The following MITD1 variants were observed in gnomAD, a reference collection of about 807,000 sequenced individuals.
The protein encoded by MITD1 is microtubule interacting and trafficking domain containing 1.
MITD1 carries 24 observed loss-of-function variants against 34.9 expected under a neutral mutation model. That is an observed-to-expected ratio of 0.69 (90% CI 0.50 to 0.97). MITD1 has a LOEUF of 0.97. Among genes scored for constraint, MITD1 ranks in the 50% least tolerant of loss-of-function variants. MITD1 has a pLI of 0.00. For missense variants in MITD1, 266 were observed against 294.6 expected (o/e 0.90, Z 0.71); for synonymous variants, 102 against 101.4 (o/e 1.01, Z -0.04).
chr2:99,168,946 ATTTTT>A (rs1175310553), downstream of MITD1, among the ~76,000 whole-genome samples: 2 of 49,310 alleles, frequency 4.1e-5, no homozygotes, highest in Non-Finnish European at 8.2e-5. Context: ...TGCCCGGCTA[ATTTTT>A]TTTTTTTTTT....
intron 1 of MITD1, among the ~76,000 whole-genome samples, chr2:99,177,307 C>T (rs1362953297): frequency 1.3e-5 from 2 of 152,190 alleles, no homozygotes; most frequent in African/African-American, 4.8e-5. Context: ...TTCCCATTAA[C>T]CTTACTCCCA....
chr2:99,180,816 T>G lies in MITD1; in HGVS notation c.151+15A>C. The G allele has an allele frequency of 6.2e-7, 1 of 1,611,574 alleles. No individual in the cohort carries two copies. Among genetic ancestry groups the G allele is most frequent in the Non-Finnish European group, 8.5e-7 (1 of 1,177,748 alleles). ...CCTTTTCCTCAGGTCCTCCCCGCCTTGGCTCATTGCTCACCTTTCAGAACC... is the reference window on the plus strand; with the variant it reads ...CCTTTTCCTCAGGTCCTCCCCGCCTGGGCTCATTGCTCACCTTTCAGAACC... On this transcript the variant is annotated intron_variant, in intron 1 of 6. Coordinates refer to ENST00000289359, the MANE Select transcript of MITD1 (RefSeq NM_138798.3).
Position 99,171,418 on chromosome 2 carries a change from A to G in MITD1, c.402T>C (p.Phe134=), listed in dbSNP as rs199975847. The change falls in exon 4 of 7, where the codon TTT becomes TTC. Residue 134 remains phenylalanine (F), a synonymous_variant. Transcript: ENST00000289359. The part of the protein sequence containing the change: ...YIRHTHQLYN[F]LRFCEMLIKR... ...TAATAAGCATCTCACAAAATCGAAG[A>G]AAGTTATACAGCTAAAAGACATTAG... is the stretch of plus-strand genomic sequence containing the variant. 4.5e-5 allele frequency: 73 copies of G among 1,611,518 alleles called. No homozygotes were observed. The highest frequency in any genetic ancestry group is 6.1e-5 in the Non-Finnish European group (72 of 1,178,104).
chr2:99,170,682 C>A, intron 4 of MITD1, 30 bp from the exon 5 acceptor site: 1 of 1,040,552 alleles, frequency 9.6e-7, no homozygotes. Flanking sequence ...GATTATCTGC[C>A]GCAGTTATTA....
At chr2:99,172,216 C>G (rs996326016) in intron 2 of MITD1, 2 of 151,936 alleles carry the variant, frequency 1.3e-5, no homozygotes, top group Non-Finnish European at 2.9e-5. Flanking sequence ...GGTGAAACCC[C>G]AGCTCTACTA....
chr2:99,177,338 C>T (rs981049388), intron 1 of MITD1, among the ~76,000 whole-genome samples: 1 of 152,162 alleles, frequency 6.6e-6, no homozygotes, highest in South Asian at 2.1e-4. Context: ...TGTGCCAGTG[C>T]CCCCTCCTTA....
chr2:99,163,177 GTC>G, intron 7 of MITD1: 1 of 437,304 alleles, frequency 2.3e-6, no homozygotes, highest in Non-Finnish European at 3.6e-6. Flanking sequence ...TTTTAGTAAC[GTC>G]AAAAAAAAAA....
chr2:99,179,401 C>T (rs1325305685), intron 1 of MITD1, among the ~76,000 whole-genome samples: 1 of 152,126 alleles, frequency 6.6e-6, no homozygotes, highest in Non-Finnish European at 1.5e-5. Context: ...ATACCATCAA[C>T]TCCTACTTGA....
chr2:99,170,710 C>G, intron 4 of MITD1, 58 bp from the exon 5 acceptor site: 2 of 807,420 alleles, frequency 2.5e-6, no homozygotes, highest in South Asian at 3.1e-5. Flanking sequence ...CTTAAATTAT[C>G]CCTAAGCTAT....
Position 99,177,675 on chromosome 2 carries a change from A to T in MITD1, c.151+3156T>A, listed in dbSNP as rs965938846. ...ATTTATTCCTCTTATTTAACTGTAA[A>T]TTTTTTTTTTTAAGAGAGGGTTTCA... On this transcript the variant is annotated intron_variant, in intron 1 of 6. Coordinates refer to ENST00000289359, the MANE Select transcript of MITD1 (RefSeq NM_138798.3). Among the ~76,000 whole-genome samples, 5 of 149,962 alleles carry T rather than the reference A, an allele frequency of 3.3e-5. No individual in the cohort carries two copies. The East Asian group carries it at 5.9e-4, about 18-fold the overall frequency.
At chr2:99,173,416 G>A in intron 2 of MITD1, 1 of 460,576 alleles carries the variant, frequency 2.2e-6, no homozygotes, top group Non-Finnish European at 4.6e-6. Context: ...ATACCTACCT[G>A]ACCTCTAATC....
At chr2:99,180,752 A>C (rs1478065977) in intron 1 of MITD1, 79 bp downstream of exon 1, 1 of 1,243,678 alleles carries the variant, frequency 8.0e-7, no homozygotes, top group Non-Finnish European at 1.2e-6. Flanking sequence ...AATCATTTTT[A>C]ACTCTTTCAC....
chr2:99,166,215 C>T (rs576309864), downstream of MITD1, among the ~76,000 whole-genome samples: 51 of 147,032 alleles, frequency 3.5e-4, no homozygotes, highest in Admixed American at 3.3e-3. Context: ...AGGTTACTAC[C>T]TAGTACCTAG....
chr2:99,161,506 T>C (rs2093792828), downstream of MITD1: 1 of 151,768 alleles, frequency 6.6e-6, no homozygotes, highest in African/African-American at 2.4e-5. Flanking sequence ...TCGATGAACA[T>C]TTGTTACTTG....
rs764427280 is a variant in MITD1 at position 99,162,612 on chromosome 2, G to T, written c.*4-394C>A. The T allele has an allele frequency of 1.2e-6, 2 of 1,613,970 alleles. No individual in the cohort carries two copies. Among genetic ancestry groups the T allele is most frequent in the Non-Finnish European group, 1.7e-6 (2 of 1,180,014 alleles). Reference sequence around the variant, plus strand: ...CTTAGTGAAAAATCTTTTGGAAAAGGATCCCACTCTGACCTGTGAAGTACT... The same window carrying T: ...CTTAGTGAAAAATCTTTTGGAAAAGTATCCCACTCTGACCTGTGAAGTACT... On this transcript the variant is annotated intron_variant, in intron 7 of 7. Coordinates refer to the MITD1 transcript ENST00000422537.
intron 1 of MITD1, among the ~76,000 whole-genome samples, chr2:99,176,395 G>A (rs895308006): frequency 6.6e-6 from 1 of 150,422 alleles, no homozygotes; most frequent in African/African-American, 2.4e-5. Context: ...GCGCAATCTC[G>A]GCTTACTGCA....
chr2:99,169,672 G>C, intron 5 of MITD1, 62 bp from the exon 6 acceptor site: 1 of 1,394,338 alleles, frequency 7.2e-7, no homozygotes, highest in East Asian at 2.3e-5. Context: ...TAATAAAGCT[G>C]TAGTGTATTA....
At chr2:99,176,620 C>A (rs2093888526) in intron 1 of MITD1, among the ~76,000 whole-genome samples, 1 of 152,142 alleles carries the variant, frequency 6.6e-6, no homozygotes, top group Admixed American at 6.6e-5. Flanking sequence ...AGCCACCACA[C>A]CTGGCCATTC....
chr2:99,169,691 C>A (rs2105213277), intron 5 of MITD1, 81 bp from the exon 6 acceptor site: 1 of 1,164,750 alleles, frequency 8.6e-7, no homozygotes, highest in Non-Finnish European at 1.3e-6. Flanking sequence ...TAAGTGTCAG[C>A]AAAATTTCCC....
Sources: gnomAD v4.1 joint callset for allele counts (sites outside exome capture counted in the v4.1 genomes callset) on GRCh38, gnomAD v4.1.1 for gene constraint, MANE v1.5 for transcripts, NCBI Gene and HGNC (gene_info 2026-07-23, HGNC 2026-07-21) for gene names.